The following PLA2R1 variants were observed in gnomAD, a reference collection of about 807,000 sequenced individuals.
PLA2R1 encodes the protein phospholipase A2 receptor 1.
Under a neutral mutation model 195.9 loss-of-function variants are expected in PLA2R1, and 158 were observed. The observed-to-expected ratio is 0.81, with a 90% CI of 0.71 to 0.92. The LOEUF is 0.92. Ranked by LOEUF, PLA2R1 falls within the 40% of genes least tolerant of loss-of-function variation. The probability of loss-of-function intolerance (pLI) is 0.00; values close to 1 mark genes in which losing one functional copy is unlikely to be tolerated. For missense variants in PLA2R1, 1,626 were observed against 1,764.6 expected (o/e 0.92, Z 1.41); for synonymous variants, 586 against 598.2 (o/e 0.98, Z 0.30).
At chr2:160,039,858 C>A (rs1359408894) in intron 3 of PLA2R1, among the ~76,000 whole-genome samples, 2 of 151,876 alleles carry the variant, frequency 1.3e-5, no homozygotes, top group Non-Finnish European at 2.9e-5. Context: ...CCTGGAGCAC[C>A]ACTGAACCCA....
intron 11 of PLA2R1, among the ~76,000 whole-genome samples, chr2:159,989,038 C>A (rs1227830027): frequency 6.6e-6 from 1 of 152,266 alleles, no homozygotes; most frequent in East Asian, 1.9e-4. Flanking sequence ...GAATCAGAGA[C>A]CCTCAAAGGT....
intron 11 of PLA2R1, among the ~76,000 whole-genome samples, chr2:160,003,288 T>C (rs1244375469): frequency 1.3e-5 from 2 of 151,942 alleles, no homozygotes; most frequent in African/African-American, 4.8e-5. Flanking sequence ...CTTTAGAAAA[T>C]ATAAAAATCT....
At chr2:159,973,413 C>T (rs1689318685) in intron 17 of PLA2R1, among the ~76,000 whole-genome samples, 1 of 143,100 alleles carries the variant, frequency 7.0e-6, no homozygotes, top group Admixed American at 7.6e-5. Context: ...TGTTGAAATC[C>T]TAACTCTCAA....
At chr2:160,060,723 A>T (rs1695894107) in intron 1 of PLA2R1, among the ~76,000 whole-genome samples, 1 of 152,218 alleles carries the variant, frequency 6.6e-6, no homozygotes, top group Non-Finnish European at 1.5e-5. Flanking sequence ...TACATATAGA[A>T]GGGATTAGCC....
chr2:159,999,748 T>C (rs1267887949), intron 11 of PLA2R1, among the ~76,000 whole-genome samples: 1 of 152,114 alleles, frequency 6.6e-6, no homozygotes, highest in African/African-American at 2.4e-5. Flanking sequence ...AATAGGGTTA[T>C]AGAAAGAAAA....
chr2:159,947,955 C>G (rs1687489208), intron 25 of PLA2R1, among the ~76,000 whole-genome samples: 1 of 152,164 alleles, frequency 6.6e-6, no homozygotes. Flanking sequence ...TCATGCAGTG[C>G]TGTGTATCAC....
intron 11 of PLA2R1, 70 bp from the exon 12 acceptor site, chr2:159,987,428 T>TA (rs1363716853): frequency 1.9e-6 from 2 of 1,074,962 alleles, no homozygotes; most frequent in Non-Finnish European, 2.8e-6. Context: ...GACTGCTCTT[T>TA]AGAGTGTTGA....
intron 1 of PLA2R1, among the ~76,000 whole-genome samples, chr2:160,052,897 A>G (rs571223992): frequency 2.0e-5 from 3 of 152,360 alleles, no homozygotes; most frequent in South Asian, 2.1e-4. Flanking sequence ...ATCATTTACT[A>G]AAGTGCAAGG....
intron 3 of PLA2R1, among the ~76,000 whole-genome samples, chr2:160,041,376 A>C (rs1297424739): frequency 6.6e-6 from 1 of 152,232 alleles, no homozygotes; most frequent in Non-Finnish European, 1.5e-5. Flanking sequence ...AGCTAAATAA[A>C]AATAAAATGA....
chr2:160,005,860 TG>T, intron 10 of PLA2R1, 39 bp from the exon 11 acceptor site: 2 of 1,441,542 alleles, frequency 1.4e-6, no homozygotes, highest in Non-Finnish European at 1.9e-6. Context: ...ATTAAGTTTC[TG>T]GGCAATAAAA....
chr2:160,009,640 T>C (rs1221406675), intron 10 of PLA2R1, among the ~76,000 whole-genome samples: 1 of 152,140 alleles, frequency 6.6e-6, no homozygotes, highest in Non-Finnish European at 1.5e-5. Flanking sequence ...CTGAATGCAG[T>C]TAATGACACT....
At position 160,048,653 on chromosome 2, in the gene PLA2R1, T is replaced by A. The variant is rs114465342; in HGVS notation, c.110-3496A>T. On this transcript the variant is annotated intron_variant, in intron 1 of 29. Transcript: ENST00000283243. ...TGTTGGATTTTTTAAAAGATGAAAATCAAATGTGGGAGGAATCAAGATTGA... is the reference window on the plus strand; with the variant it reads ...TGTTGGATTTTTTAAAAGATGAAAAACAAATGTGGGAGGAATCAAGATTGA... Among the ~76,000 whole-genome samples the A allele has an allele frequency of 7.2e-3, 1,093 of 152,172 alleles. 22 individuals carry two copies. Among genetic ancestry groups the A allele is most frequent in the African/African-American group, 0.025 (1,044 of 41,518 alleles).
At chr2:160,056,310 A>G (rs1695539178) in intron 1 of PLA2R1, among the ~76,000 whole-genome samples, 1 of 152,166 alleles carries the variant, frequency 6.6e-6, no homozygotes, top group Admixed American at 6.5e-5. Flanking sequence ...GTGATGTAAA[A>G]TGTATTTCTT....
At chr2:159,985,136 T>A (rs1489777491) in intron 12 of PLA2R1, among the ~76,000 whole-genome samples, 2 of 152,186 alleles carry the variant, frequency 1.3e-5, no homozygotes, top group Non-Finnish European at 2.9e-5. Flanking sequence ...ACTCTGTCAA[T>A]AAATAATCGT....
intron 28 of PLA2R1, among the ~76,000 whole-genome samples, chr2:159,942,703 AAGTT>A (rs1687154110): frequency 6.6e-6 from 1 of 152,178 alleles, no homozygotes; most frequent in Non-Finnish European, 1.5e-5. Context: ...TCCATCCAAA[AAGTT>A]AGAGAGTTTC....
At chr2:159,998,969 G>A (rs903603127) in intron 11 of PLA2R1, among the ~76,000 whole-genome samples, 3 of 152,050 alleles carry the variant, frequency 2.0e-5, no homozygotes. Context: ...CCTCCAAAAC[G>A]CATATGTGAT....
Position 159,938,000 on chromosome 2 carries a change from T to C in PLA2R1, c.*3778A>G, listed in dbSNP as rs1475418889. The C allele has an allele frequency of 6.6e-6, 1 of 152,162 alleles. No homozygotes were observed. Among genetic ancestry groups the C allele is most frequent in the Non-Finnish European group, 1.5e-5 (1 of 68,018 alleles). The allele number at this position is 152,162 out of a possible 1,614,324, so 9.4% of individuals were successfully genotyped here. ...TCTTTTTAAAGGTAGAGAAAGGCAT[T>C]TGTGTAAAGAGAGGTGGGAAAGAAG... On this transcript the variant is annotated 3_prime_UTR_variant, in exon 30 of 30. Coordinates refer to ENST00000283243, the MANE Select transcript of PLA2R1 (RefSeq NM_007366.5).
At chr2:159,946,014 C>G in intron 27 of PLA2R1, 2 of 984,462 alleles carry the variant, frequency 2.0e-6, no homozygotes, top group Non-Finnish European at 2.4e-6. Flanking sequence ...CAAAATGGCT[C>G]ACTTTCTAAA....
chr2:159,955,330 G>A lies in PLA2R1; in HGVS notation c.3170C>T (p.Thr1057Ile), dbSNP rs1688014900. The A allele has an allele frequency of 3.1e-6, 5 of 1,595,712 alleles. No individual in the cohort carries two copies. In the South Asian group the frequency reaches 5.6e-5, roughly 18 times the overall value. ...FDIINIPSHN[T>I]TEVQKHIPLC... ...AGGAATGTGTTTCTGAACTTCAGTGGTATTGTGACTTGGAATCTTTAAAAT... is the reference window on the plus strand; with the variant it reads ...AGGAATGTGTTTCTGAACTTCAGTGATATTGTGACTTGGAATCTTTAAAAT... Residue 1057 changes from threonine (T) to isoleucine (I), a missense_variant, in exon 23 of 30, where the codon ACC becomes ATC. Physicochemically the swap from Thr to Ile is moderately conservative, Grantham distance 89. Transcript: ENST00000283243.
Sources: allele counts gnomAD v4.1 joint callset (sites outside exome capture counted in the v4.1 genomes callset), GRCh38; gene constraint gnomAD v4.1.1; transcripts MANE v1.5; gene names NCBI Gene and HGNC (gene_info 2026-07-23, HGNC 2026-07-21).